OAS2: variants seen among roughly 807,000 people sequenced by gnomAD.
The protein encoded by OAS2 is 2'-5'-oligoadenylate synthase 2.
OAS2 carries 67 observed loss-of-function variants against 71.3 expected under a neutral mutation model. The observed-to-expected ratio is 0.94, with a 90% CI of 0.77 to 1.15. The LOEUF (loss-of-function observed/expected upper bound fraction) is 1.15, where lower values mean the gene tolerates loss of function less well. OAS2 is among the 50% of genes most tolerant of loss of function. OAS2 has a pLI of 0.00. For missense variants in OAS2, 789 were observed against 822.5 expected (o/e 0.96, Z 0.50); for synonymous variants, 327 against 321.8 (o/e 1.02, Z -0.17).
In OAS2 at chr12:113,007,940, C is replaced by G. The variant is rs371027539; in HGVS notation, c.1892C>G (p.Thr631Ser). 6.2e-7 allele frequency: 1 copy of G among 1,609,474 alleles called. No homozygotes were observed. Among genetic ancestry groups the G allele is most frequent in the African/African-American group, 1.3e-5 (1 of 74,816 alleles). The change falls in exon 9 of 10, where the codon ACC becomes AGC. Residue 631 changes from threonine to serine, a missense_variant. Transcript: ENST00000392583. ...RKFLLSQLQKTRPVILDPAEP... is the reference protein window; with the variant it reads ...RKFLLSQLQKSRPVILDPAEP... ...TTTCTACTGAGCCAGTTGCAGAAAA[C>G]CAGGTGCCTTCACCCTAGCCCCGTA... is the stretch of plus-strand genomic sequence containing the variant.
At chr12:112,986,981 G>C in intron 1 of OAS2, 57 bp from the exon 2 acceptor site, 3 of 1,542,972 alleles carry the variant, frequency 1.9e-6, no homozygotes, top group Admixed American at 2.0e-5. Flanking sequence ...CTGCCTGCTA[G>C]AGATCCCTGT....
chr12:112,989,920 C>A (rs2044176370), intron 2 of OAS2, among the ~76,000 whole-genome samples: 1 of 152,196 alleles, frequency 6.6e-6, no homozygotes, highest in Non-Finnish European at 1.5e-5. Context: ...CCTGCCAGTT[C>A]TGCCTAACTT....
At chr12:112,987,471 C>G (rs562089061) in intron 2 of OAS2, 163 bp downstream of exon 2, 26 of 1,448,844 alleles carry the variant, frequency 1.8e-5, no homozygotes, top group East Asian at 5.0e-5. Flanking sequence ...TGGACTCGCT[C>G]TCTTCTCTGG....
rs776634526 is a variant in OAS2, at chr12:112,997,472, T to C, written c.628-48T>C. The C allele has an allele frequency of 4.0e-6, 6 of 1,506,216 alleles. No homozygotes were observed. The Admixed American group carries it at 1.1e-4, about 27-fold the overall frequency. 93.3% of individuals were successfully genotyped at this position (1,506,216 alleles called of 1,614,324 possible). A position where few individuals can be genotyped will look rare whatever the true frequency, so the allele number is the denominator to read the frequency against. On this transcript the variant is annotated intron_variant, in intron 3 of 9. Coordinates refer to ENST00000392583, the MANE Select transcript of OAS2 (RefSeq NM_002535.3). ...TCTTGATTTCAGATCCCTGACATGG[T>C]AAGAACTAGATCCCCCAATGAGCTG...
chr12:112,998,418 G>A lies in OAS2; in HGVS notation c.1008+8G>A. 1 of 1,605,134 alleles carries A rather than the reference G, an allele frequency of 6.2e-7. No individual in the cohort carries two copies. The highest frequency in any genetic ancestry group is 2.3e-5 in the East Asian group (1 of 44,364). The stretch of plus-strand genomic sequence containing the variant: ...CCATCTTGGAATGTTCTGGTAAGAG[G>A]GTTTTCCAAATACAGGGTGTTTCAT... On this transcript the variant is annotated splice_region_variant and intron_variant, in intron 5 of 9. Transcript: ENST00000392583.
At chr12:112,992,730 G>A (rs753956331) in intron 2 of OAS2, among the ~76,000 whole-genome samples, 5 of 152,060 alleles carry the variant, frequency 3.3e-5, no homozygotes, top group Non-Finnish European at 7.4e-5. Flanking sequence ...TCTTATCCTG[G>A]TCCTACTACT....
chr12:113,010,013 C>A lies in OAS2; in HGVS notation c.*758C>A. The A allele has an allele frequency of 1.0e-6, 1 of 972,254 alleles. No individual in the cohort carries two copies. The allele number at this position is 972,254 out of a possible 1,614,324, so 60.2% of individuals were successfully genotyped here. On this transcript the variant is annotated 3_prime_UTR_variant, in exon 10 of 10. Coordinates refer to ENST00000392583, the MANE Select transcript of OAS2 (RefSeq NM_002535.3). ...CTAGACAGTTCTTTGTTTGGAGGCTCTCTTGTGCATTGTAGGATGTTGAGC... is the reference window on the plus strand; with the variant it reads ...CTAGACAGTTCTTTGTTTGGAGGCTATCTTGTGCATTGTAGGATGTTGAGC...
At chr12:112,983,127 CT>C (rs1484084958) in intron 1 of OAS2, among the ~76,000 whole-genome samples, 5 of 151,968 alleles carry the variant, frequency 3.3e-5, no homozygotes, top group Admixed American at 2.0e-4. Context: ...AAGAAACCAA[CT>C]TTTTATTTTG....
rs762440312 is a variant in OAS2, at chr12:112,998,404, T to C, written c.1002T>C (p.Asn334=). ...LDNELPAPSW[N]VLPAPLFTTP... ...ATGAGTTACCTGCACCATCTTGGAA[T>C]GTTCTGGTAAGAGGGTTTTCCAAAT... The change falls in exon 5 of 10, where the codon AAT becomes AAC. Residue 334 remains asparagine, a synonymous_variant. Coordinates refer to ENST00000392583, the MANE Select transcript of OAS2 (RefSeq NM_002535.3). The C allele has an allele frequency of 5.0e-6, 8 of 1,609,844 alleles. No individual in the cohort carries two copies. The highest frequency in any genetic ancestry group is 5.1e-6 in the Non-Finnish European group (6 of 1,178,950).
intron 1 of OAS2, among the ~76,000 whole-genome samples, chr12:112,985,902 T>A (rs2044130307): frequency 6.6e-6 from 1 of 152,008 alleles, no homozygotes; most frequent in African/African-American, 2.4e-5. Flanking sequence ...CTGGCAGGAG[T>A]TTGAGGTTAC....
Position 113,007,730 on chromosome 12 carries a change from G to A in OAS2, c.1682G>A (p.Gly561Glu). Reference sequence around the variant, plus strand: ...TGTGAAAGGAAACTGAAGCCAAAGGGGTCTTTGCCCCCAAAGTATGCCTTG... The same window carrying A: ...TGTGAAAGGAAACTGAAGCCAAAGGAGTCTTTGCCCCCAAAGTATGCCTTG... ...KECERKLKPK[G>E]SLPPKYALEL... Residue 561 changes from glycine to glutamate, a missense_variant, in exon 9 of 10, where the codon GGG becomes GAG. Physicochemically the swap from Gly to Glu is moderately conservative, Grantham distance 98. Coordinates refer to ENST00000392583, the MANE Select transcript of OAS2 (RefSeq NM_002535.3). The A allele has an allele frequency of 1.9e-6, 3 of 1,614,010 alleles. No homozygotes were observed. Among genetic ancestry groups the A allele is most frequent in the Non-Finnish European group, 2.5e-6 (3 of 1,179,970 alleles).
At chr12:113,007,615 T>G in intron 8 of OAS2, 90 bp from the exon 9 acceptor site, 1 of 1,034,342 alleles carries the variant, frequency 9.7e-7, no homozygotes, top group Non-Finnish European at 1.5e-6. Flanking sequence ...AGCACGACAC[T>G]GTGACTCAGT....
intron 5 of OAS2, among the ~76,000 whole-genome samples, chr12:112,999,486 G>C (rs547818141): frequency 6.6e-6 from 1 of 152,170 alleles, no homozygotes; most frequent in Non-Finnish European, 1.5e-5. Context: ...TCTATACCCC[G>C]TTTGCACAGA....
Position 113,010,661 on chromosome 12 carries a change from G to T in OAS2, c.*1406G>T. The T allele has an allele frequency of 4.7e-6, 4 of 842,194 alleles. No individual in the cohort carries two copies. The highest frequency in any genetic ancestry group is 6.5e-6 in the Non-Finnish European group (4 of 611,858). 52.2% of individuals were successfully genotyped at this position (842,194 alleles called of 1,614,324 possible). ...GCCTTGCTGAACTCCCTCTCTGCAG[G>T]CAGCCTGCCTTTAAAAATAGTTGCT... On this transcript the variant is annotated 3_prime_UTR_variant, in exon 10 of 10. Coordinates refer to ENST00000392583, the MANE Select transcript of OAS2 (RefSeq NM_002535.3).
rs757926362 is a variant in OAS2 at position 113,009,081 on chromosome 12, A to G, written c.1896-6A>G. On this transcript the variant is annotated splice_region_variant and splice_polypyrimidine_tract_variant and intron_variant, in intron 9 of 9. Coordinates refer to ENST00000392583, the MANE Select transcript of OAS2 (RefSeq NM_002535.3). The stretch of plus-strand genomic sequence containing the variant: ...ATCTCCTAATGCCTTCTAACCTCTC[A>G]TTCAGGCCTGTGATCTTGGACCCAG... The G allele has an allele frequency of 6.2e-7, 1 of 1,612,554 alleles. No individual in the cohort carries two copies. The highest frequency in any genetic ancestry group is 1.1e-5 in the South Asian group (1 of 90,918).
intron 5 of OAS2, among the ~76,000 whole-genome samples, chr12:112,999,778 A>G (rs1436932335): frequency 6.6e-6 from 1 of 152,234 alleles, no homozygotes; most frequent in African/African-American, 2.4e-5. Flanking sequence ...GCTTTGAAAC[A>G]TTTAAAAAGT....
At chr12:112,986,426 C>T (rs749138019) in intron 1 of OAS2, among the ~76,000 whole-genome samples, 4 of 152,100 alleles carry the variant, frequency 2.6e-5, no homozygotes, top group Admixed American at 6.5e-5. Context: ...ACCCTCAGGC[C>T]CTCAAGTGGT....
chr12:112,999,166 G>A (rs1015611833), intron 5 of OAS2, among the ~76,000 whole-genome samples: 1 of 152,228 alleles, frequency 6.6e-6, no homozygotes, highest in Non-Finnish European at 1.5e-5. Flanking sequence ...CAGGTGCCGG[G>A]GGCAACAGTC....
intron 6 of OAS2, among the ~76,000 whole-genome samples, chr12:113,004,233 G>C (rs2044311726): frequency 6.6e-6 from 1 of 152,162 alleles, no homozygotes; most frequent in South Asian, 2.1e-4. Flanking sequence ...AATGAAGGGG[G>C]CTGGAACAGG....
Sources: gnomAD v4.1 joint callset for allele counts (sites outside exome capture counted in the v4.1 genomes callset) on GRCh38, gnomAD v4.1.1 for gene constraint, MANE v1.5 for transcripts, NCBI Gene and HGNC (gene_info 2026-07-23, HGNC 2026-07-21) for gene names.